KIF1A: variants seen among roughly 807,000 people sequenced by gnomAD.
The protein encoded by KIF1A is kinesin family member 1A.
A neutral mutation model predicts 227.3 loss-of-function variants in KIF1A; 46 were observed. The observed-to-expected ratio is 0.20, with a 90% CI of 0.16 to 0.26. KIF1A has a LOEUF of 0.26. Ranked by LOEUF, KIF1A falls within the 10% of genes least tolerant of loss-of-function variation. KIF1A has a pLI of 1.00. For missense variants in KIF1A, 1,683 were observed against 2,485.9 expected (o/e 0.68, Z 6.87); for synonymous variants, 1,022 against 1,012.8 (o/e 1.01, Z -0.17).
At chr2:240,797,497 C>T in intron 2 of KIF1A, 150 bp downstream of exon 2, 1 of 609,466 alleles carries the variant, frequency 1.6e-6, no homozygotes, top group Non-Finnish European at 2.9e-6. Context: ...CAGTTTGTTA[C>T]AGCAGCCCCA....
intron 1 of KIF1A, among the ~76,000 whole-genome samples, chr2:240,804,534 G>C (rs1214723994): frequency 6.6e-6 from 1 of 152,204 alleles, no homozygotes; most frequent in Non-Finnish European, 1.5e-5. Context: ...CCTGCTGTGG[G>C]GGGAATGGGA....
Position 240,736,642 on chromosome 2 carries a change from C to T in KIF1A, c.4007+421G>A, listed in dbSNP as rs117299796. 1.9e-4 allele frequency among the ~76,000 whole-genome samples: 29 copies of T among 152,302 alleles called. No homozygotes were observed. The East Asian group carries it at 5.0e-3, about 26-fold the overall frequency. The stretch of plus-strand genomic sequence containing the variant: ...GATGAGGGGCCTGTGCCAAGCAGTG[C>T]CTATGGGCGCCCACCCCAGCTGCTC... On this transcript the variant is annotated intron_variant, in intron 38 of 48. Transcript: ENST00000498729. The surrounding 1 kb of genome is among the most constrained non-coding windows in gnomAD (Gnocchi z 4.7).
intron 1 of KIF1A, among the ~76,000 whole-genome samples, chr2:240,812,101 C>T (rs953034971): frequency 3.3e-5 from 5 of 152,172 alleles, no homozygotes; most frequent in African/African-American, 7.2e-5. Flanking sequence ...ACCCACTGGG[C>T]GCACCGGGCC....
At chr2:240,730,199 A>G (rs929665726) in intron 38 of KIF1A, among the ~76,000 whole-genome samples, 1 of 152,362 alleles carries the variant, frequency 6.6e-6, no homozygotes, top group African/African-American at 2.4e-5. Context: ...AGGGAGGAGC[A>G]GGCTGGCAGA....
rs754346855 is a variant in KIF1A at position 240,757,417 on chromosome 2, C to CTCCTCA, written c.2754_2759dup (p.Asp918_Glu919dup). The CTCCTCA allele has an allele frequency of 2.6e-6, 4 of 1,521,024 alleles. No individual in the cohort carries two copies. Among genetic ancestry groups the CTCCTCA allele is most frequent in the African/African-American group, 1.7e-5 (1 of 57,928 alleles). The allele number at this position is 1,521,024 out of a possible 1,614,324, so 94.2% of individuals were successfully genotyped here. A position where few individuals can be genotyped will look rare whatever the true frequency, so the allele number is the denominator to read the frequency against. On this transcript the variant is annotated inframe_insertion, in exon 27 of 49. Coordinates refer to ENST00000498729, the MANE Select transcript of KIF1A (RefSeq NM_001244008.2). This position sits in a 1 kb window ranked among gnomAD's most constrained non-coding sequence, Gnocchi z 6.2. ...AGACGTCGTCCTCCAGGTCCTCCTC[C>CTCCTCA]TCCTCATCCTCCTCCTCCTCCTCCT...
rs781409239 is a variant in KIF1A, at chr2:240,770,954, C to A, written c.1341+17G>T. 1 of 1,608,308 alleles carries A rather than the reference C, an allele frequency of 6.2e-7. No homozygotes were observed. Among genetic ancestry groups the A allele is most frequent in the East Asian group, 2.2e-5 (1 of 44,864 alleles). Reference sequence around the variant, plus strand: ...TCCCAGAGTCTGACACCCTGAAGCCCCAGGTGGTGCCCTCACCTTCAGTCT... The same window carrying A: ...TCCCAGAGTCTGACACCCTGAAGCCACAGGTGGTGCCCTCACCTTCAGTCT... On this transcript the variant is annotated intron_variant, in intron 15 of 48. Coordinates refer to ENST00000498729, the MANE Select transcript of KIF1A (RefSeq NM_001244008.2).
chr2:240,728,306 C>T (rs1575530041), intron 38 of KIF1A: 1 of 855,240 alleles, frequency 1.2e-6, no homozygotes, highest in Non-Finnish European at 1.7e-6. Flanking sequence ...GGCATAGAAG[C>T]AGGCAGACGC....
In KIF1A at chr2:240,788,640, T is replaced by G. The variant is rs550601199; in HGVS notation, c.184-410A>C. On this transcript the variant is annotated intron_variant, in intron 3 of 48. Coordinates refer to ENST00000498729, the MANE Select transcript of KIF1A (RefSeq NM_001244008.2). This position sits in a 1 kb window ranked among gnomAD's most constrained non-coding sequence, Gnocchi z 6.6. ...CGCCTGGACACTGTCCTGAGGACAG[T>G]GGGGCACTTTAGGCAGGGGGACAGG... 5.3e-5 allele frequency among the ~76,000 whole-genome samples: 8 copies of G among 150,288 alleles called. No individual in the cohort carries two copies. Among genetic ancestry groups the G allele is most frequent in the Admixed American group, 4.6e-4 (7 of 15,120 alleles).
At chr2:240,804,217 G>A (rs754515568) in intron 1 of KIF1A, among the ~76,000 whole-genome samples, 3 of 152,306 alleles carry the variant, frequency 2.0e-5, no homozygotes, top group East Asian at 3.9e-4. Context: ...AGTGAGCCAC[G>A]ATCACGCCAC....
intron 23 of KIF1A, among the ~76,000 whole-genome samples, chr2:240,762,476 T>C (rs940363033): frequency 1.3e-5 from 2 of 152,342 alleles, no homozygotes; most frequent in African/African-American, 4.8e-5. Context: ...AATGTGTGCA[T>C]GTGTGTACAC....
intron 20 of KIF1A, 147 bp downstream of exon 20, chr2:240,765,563 C>T: frequency 1.5e-6 from 1 of 659,328 alleles, no homozygotes; most frequent in South Asian, 1.8e-5. Context: ...TGCTTGGATA[C>T]CCGCAGCCCC....
chr2:240,779,919 C>T (rs754142669), intron 10 of KIF1A, among the ~76,000 whole-genome samples: 6 of 152,200 alleles, frequency 3.9e-5, no homozygotes, highest in South Asian at 2.1e-4. Flanking sequence ...CCACGCCCCA[C>T]GGTGCTTCCG....
intron 25 of KIF1A, 38 bp downstream of exon 25, chr2:240,760,627 A>C (rs1575586755): frequency 7.1e-7 from 1 of 1,412,050 alleles, no homozygotes. Flanking sequence ...GCCCAGGAGG[A>C]CCCTCCCACC....
intron 20 of KIF1A, 140 bp downstream of exon 20, chr2:240,765,570 C>A: frequency 1.5e-6 from 1 of 677,526 alleles, no homozygotes; most frequent in South Asian, 1.7e-5. Context: ...ATACCCGCAG[C>A]CCCCTCCCCT....
In KIF1A at chr2:240,774,160, GCTTGT is replaced by G; in HGVS notation, c.1037+18_1037+22del. 1 of 1,499,616 alleles carries G rather than the reference GCTTGT, an allele frequency of 6.7e-7. No individual in the cohort carries two copies. The highest frequency in any genetic ancestry group is 1.4e-5 in the African/African-American group (1 of 72,312). 92.9% of individuals were successfully genotyped at this position (1,499,616 alleles called of 1,614,324 possible). ...CCAAGACCAGGGAGCGGGAAGCAGA[GCTTGT>G]CTCCCTGGAGAACTCACCTCAGCGT... On this transcript the variant is annotated intron_variant, in intron 12 of 48. Coordinates refer to ENST00000498729, the MANE Select transcript of KIF1A (RefSeq NM_001244008.2).
chr2:240,784,153 G>A (rs1160104159), intron 7 of KIF1A, among the ~76,000 whole-genome samples: 1 of 152,206 alleles, frequency 6.6e-6, no homozygotes, highest in Non-Finnish European at 1.5e-5. Flanking sequence ...CACTTCCATA[G>A]ATGGTGCTCA....
chr2:240,719,655 C>T (rs1168326987), intron 46 of KIF1A, 119 bp downstream of exon 46: 2 of 1,216,006 alleles, frequency 1.6e-6, no homozygotes, highest in East Asian at 2.8e-5. Flanking sequence ...CATCAGGCAA[C>T]CTGTCTGTCT....
In KIF1A at chr2:240,778,022, C is replaced by T. The variant is rs982136389; in HGVS notation, c.883-2096G>A. Among the ~76,000 whole-genome samples, 8 of 152,188 alleles carry T rather than the reference C, an allele frequency of 5.3e-5. No individual in the cohort carries two copies. The highest frequency in any genetic ancestry group is 1.2e-4 in the Non-Finnish European group (8 of 68,032). ...CTCGCCGTTCCCCGCACGGTTCCCACGCGGCTGCTCGCAGCTCACCACACA... is the reference window on the plus strand; with the variant it reads ...CTCGCCGTTCCCCGCACGGTTCCCATGCGGCTGCTCGCAGCTCACCACACA... On this transcript the variant is annotated intron_variant, in intron 10 of 48. Transcript: ENST00000498729. This position sits in a 1 kb window ranked among gnomAD's most constrained non-coding sequence, Gnocchi z 7.2.
rs2050505123 is a variant in KIF1A at position 240,761,369 on chromosome 2, T to C, written c.2125A>G (p.Thr709Ala). The C allele has an allele frequency of 1.2e-6, 2 of 1,603,548 alleles. No homozygotes were observed. Among genetic ancestry groups the C allele is most frequent in the Non-Finnish European group, 1.7e-6 (2 of 1,173,204 alleles). Reference sequence around the variant, plus strand: ...AGCGCCAGCTCACACTCCCGCTCTGTCCACTGGACTGTGGGGAGAGGTCAC... The same window carrying C: ...AGCGCCAGCTCACACTCCCGCTCTGCCCACTGGACTGTGGGGAGAGGTCAC... ...EEEPEDEVQWTERECELALWA... is the reference protein window; with the variant it reads ...EEEPEDEVQWAERECELALWA... The change falls in exon 24 of 49, where the codon ACA becomes GCA. Residue 709 changes from threonine to alanine, a missense_variant. By Grantham distance (58) the Thr-to-Ala change is moderately conservative. Transcript: ENST00000498729.
Sources: allele counts gnomAD v4.1 joint callset (sites outside exome capture counted in the v4.1 genomes callset), GRCh38; gene constraint gnomAD v4.1.1; non-coding constraint Gnocchi (gnomAD v3.1); transcripts MANE v1.5; gene names NCBI Gene and HGNC (gene_info 2026-07-23, HGNC 2026-07-21).